The following NEB variants were observed in gnomAD, a reference collection of about 807,000 sequenced individuals.
The protein encoded by NEB is nemaline myopathy type 2.
In NEB, 512 loss-of-function variants were observed where a neutral mutation model predicts 952.2. The observed-to-expected ratio is 0.54, with a 90% CI of 0.50 to 0.58. NEB has a LOEUF of 0.58. Ranked by LOEUF, NEB falls within the 20% of genes least tolerant of loss-of-function variation. NEB has a pLI of 0.00. For synonymous variants in NEB, 2,900 were observed against 3,149.8 expected (o/e 0.92, Z 2.66); for missense variants, 8,428 against 9,231.1 (o/e 0.91, Z 3.56).
intron 127 of NEB, among the ~76,000 whole-genome samples, 158 bp from the exon 128 acceptor site, chr2:151,552,934 C>G (rs1350609170): frequency 6.6e-6 from 1 of 152,082 alleles, no homozygotes; most frequent in Non-Finnish European, 1.5e-5. Flanking sequence ...ACAGTGTAAC[C>G]AACACTTATA....
rs752753583 is a variant in NEB at position 151,519,655 on chromosome 2, T to C, written c.22590+3A>G. On this transcript the variant is annotated splice_donor_region_variant and intron_variant, in intron 154 of 181. Coordinates refer to ENST00000397345, the MANE Select transcript of NEB (RefSeq NM_001164508.2). ...ATATTTTACCACAATTTTAGAAACA[T>C]ACCTCACTTGCAAGATTATTAGCAT... The C allele has an allele frequency of 2.5e-6, 4 of 1,594,512 alleles. No homozygotes were observed. The South Asian group carries it at 4.4e-5, about 18-fold the overall frequency.
rs761020253 is a variant in NEB, at chr2:151,560,607, C to CT, written c.19298dup (p.His6434AlafsTer13). 1 of 1,611,446 alleles carries CT rather than the reference C, an allele frequency of 6.2e-7. No individual in the cohort carries two copies. The highest frequency in any genetic ancestry group is 1.1e-5 in the South Asian group (1 of 90,330). On this transcript the variant is annotated frameshift_variant, in exon 124 of 182. Transcript: ENST00000397345. LOFTEE classifies it high-confidence loss of function. ...CTTTACTTACATGGCTGGCCAGATGCTTCTGGTTCTTGGCGTGTGTCAGGG... is the reference window on the plus strand; with the variant it reads ...CTTTACTTACATGGCTGGCCAGATGCTTTCTGGTTCTTGGCGTGTGTCAGGG...
intron 76 of NEB, 138 bp downstream of exon 76, chr2:151,615,864 C>A: frequency 1.5e-6 from 1 of 674,706 alleles, no homozygotes; most frequent in Non-Finnish European, 2.5e-6. Context: ...TTTCCATTTA[C>A]AATTTTGTAT....
At chr2:151,569,180 G>T in intron 110 of NEB, 88 bp downstream of exon 110, 1 of 1,058,318 alleles carries the variant, frequency 9.4e-7, no homozygotes, top group Non-Finnish European at 1.4e-6. Context: ...GGTTAAGATT[G>T]CTGATATTAG....
intron 20 of NEB, 124 bp from the exon 21 acceptor site, chr2:151,692,486 T>G: frequency 1.3e-6 from 1 of 780,044 alleles, no homozygotes. Flanking sequence ...CACCATCAAT[T>G]TTCCACAAAG....
At chr2:151,709,928 A>G (rs2099739351) in intron 11 of NEB, among the ~76,000 whole-genome samples, 165 bp from the exon 12 acceptor site, 1 of 152,242 alleles carries the variant, frequency 6.6e-6, no homozygotes, top group African/African-American at 2.4e-5. Flanking sequence ...AAAAATGATT[A>G]GCAACTTAAC....
intron 133 of NEB, 107 bp downstream of exon 133, chr2:151,547,322 G>A (rs1415682782): frequency 1.2e-6 from 1 of 802,240 alleles, no homozygotes; most frequent in African/African-American, 1.7e-5. Context: ...TTGTTTAGAA[G>A]TGCTTATCAG....
intron 54 of NEB, among the ~76,000 whole-genome samples, chr2:151,647,902 C>G (rs916359955): frequency 6.6e-5 from 10 of 152,082 alleles, no homozygotes; most frequent in Admixed American, 5.2e-4. Flanking sequence ...GACTAGCAGA[C>G]CAGTGGAAAT....
chr2:151,651,257 T>C (rs2099026123), intron 52 of NEB, among the ~76,000 whole-genome samples: 1 of 152,240 alleles, frequency 6.6e-6, no homozygotes, highest in Non-Finnish European at 1.5e-5. Flanking sequence ...AAGAAATTAA[T>C]TCTAACTAGA....
chr2:151,529,661 C>A (rs1576409686), intron 145 of NEB, among the ~76,000 whole-genome samples: 1 of 151,894 alleles, frequency 6.6e-6, no homozygotes, highest in South Asian at 2.1e-4. Flanking sequence ...CTCCTGAGTA[C>A]CTGGGACCAC....
At chr2:151,570,038 G>A in intron 109 of NEB, 43 bp downstream of exon 109, 1 of 1,548,712 alleles carries the variant, frequency 6.5e-7, no homozygotes, top group Non-Finnish European at 8.8e-7. Context: ...GGAAGTCATG[G>A]CAAACTGAGA....
chr2:151,504,073 T>C (rs1180673229), intron 165 of NEB, among the ~76,000 whole-genome samples: 2 of 152,166 alleles, frequency 1.3e-5, no homozygotes, highest in Non-Finnish European at 2.9e-5. Context: ...CTAAGGACTA[T>C]GCATTTTAAT....
At chr2:151,493,168 T>C (rs1271834221) in intron 176 of NEB, 185 bp downstream of exon 176, 2 of 554,958 alleles carry the variant, frequency 3.6e-6, no homozygotes, top group Non-Finnish European at 3.2e-6. Flanking sequence ...TCTATTTTAG[T>C]GTAAATTTTC....
At chr2:151,617,629 T>C in intron 74 of NEB, 161 bp from the exon 75 acceptor site, 3 of 527,974 alleles carry the variant, frequency 5.7e-6, no homozygotes. Context: ...CTTATTAAAA[T>C]TCTTTCAATA....
chr2:151,624,077 T>TG (rs1574129221), intron 71 of NEB, among the ~76,000 whole-genome samples: 2 of 152,254 alleles, frequency 1.3e-5, no homozygotes, highest in East Asian at 3.9e-4. Context: ...CCACGGGCAA[T>TG]GGGTTGAGAA....
chr2:151,551,697 A>G (rs2095351378), intron 129 of NEB, 41 bp downstream of exon 129: 1 of 1,486,270 alleles, frequency 6.7e-7, no homozygotes, highest in Non-Finnish European at 9.4e-7. Context: ...AGGCTGATGG[A>G]ACGGATTTCT....
rs750188445 is a variant in NEB at position 151,684,994 on chromosome 2, C to G, written c.2638-19G>C. The G allele has an allele frequency of 2.8e-5, 44 of 1,554,184 alleles. No individual in the cohort carries two copies. In the African/African-American group the frequency reaches 4.5e-4, roughly 16 times the overall value. ...ATTCGCGCTGTGAATAGGAAATTAT[C>G]ATTTATTATCACAAATCCTCGATGG... On this transcript the variant is annotated intron_variant, in intron 27 of 181. Transcript: ENST00000397345.
intron 9 of NEB, 83 bp from the exon 10 acceptor site, chr2:151,717,603 T>C: frequency 1.0e-6 from 1 of 993,770 alleles, no homozygotes; most frequent in Non-Finnish European, 1.6e-6. Context: ...TAGTGTAACA[T>C]GTTATAATTT....
rs528727313 is a variant in NEB, at chr2:151,623,858, T to C, written c.10452+1676A>G. Among the ~76,000 whole-genome samples the C allele has an allele frequency of 2.0e-5, 3 of 152,280 alleles. No homozygotes were observed. In the East Asian group the frequency reaches 5.8e-4, roughly 29 times the overall value. On this transcript the variant is annotated intron_variant, in intron 71 of 181. Coordinates refer to ENST00000397345, the MANE Select transcript of NEB (RefSeq NM_001164508.2). The stretch of plus-strand genomic sequence containing the variant: ...AGTGGGAAAAAATGTGCTTCAATCA[T>C]CTCATGGCTTCAGGCCAAAAAAATA...
Sources: gnomAD v4.1 joint callset for allele counts (sites outside exome capture counted in the v4.1 genomes callset) on GRCh38, gnomAD v4.1.1 for gene constraint, MANE v1.5 for transcripts, NCBI Gene and HGNC (gene_info 2026-07-23, HGNC 2026-07-21) for gene names.